PKHD1L1: variants seen among roughly 807,000 people sequenced by gnomAD.
PKHD1L1 encodes fibrocystin-L.
In PKHD1L1, 434 loss-of-function variants were observed where a neutral mutation model predicts 462.9. That is an observed-to-expected ratio of 0.94 (90% confidence interval 0.87 to 1.02). The LOEUF (loss-of-function observed/expected upper bound fraction) is 1.02. Ranked by LOEUF, PKHD1L1 falls within the 50% of genes least tolerant of loss-of-function variation. The pLI is 0.00. For missense variants in PKHD1L1, 5,202 were observed against 5,096.1 expected (o/e 1.02, Z -0.63); for synonymous variants, 1,781 against 1,750.0 (o/e 1.02, Z -0.44).
In PKHD1L1 at chr8:109,427,235, C is replaced by G. The variant is rs1814805067; in HGVS notation, c.3000+79C>G. On this transcript the variant is annotated intron_variant, in intron 25 of 77. Transcript: ENST00000378402. ...GGACCCTGCCTTATTCCAAAAAGAA[C>G]TGGAGGCTATGTTTATTATAAAAAT... The G allele has an allele frequency of 1.0e-5, 11 of 1,049,164 alleles. No homozygotes were observed. In the Middle Eastern group the frequency reaches 2.0e-3, roughly 194 times the overall value. The allele number at this position is 1,049,164 out of a possible 1,614,324, so 65.0% of individuals were successfully genotyped here.
At chr8:109,511,004 T>C in intron 71 of PKHD1L1, 70 bp downstream of exon 71, 1 of 1,505,102 alleles carries the variant, frequency 6.6e-7, no homozygotes, top group Non-Finnish European at 9.1e-7. Flanking sequence ...CTAAGGCTTG[T>C]ACCTCCTCCC....
chr8:109,470,126 G>GTA, intron 50 of PKHD1L1: 1 of 569,428 alleles, frequency 1.8e-6, no homozygotes, highest in South Asian at 2.7e-5. Context: ...ACATAATAAA[G>GTA]TATATATTCC....
In PKHD1L1 at chr8:109,477,383, C is replaced by A. The variant is rs528971721; in HGVS notation, c.9076C>A (p.Pro3026Thr). Residue 3026 changes from proline (P) to threonine (T), a missense_variant, in exon 53 of 78, where the codon CCA becomes ACA. Pro to Thr is a conservative substitution (Grantham distance 38, BLOSUM62 -1). Transcript: ENST00000378402. ...PSRKPIPKKR[P>T]ATYNLWSNDS... ...AAGAAAACCAATTCCCAAGAAGCGA[C>A]CAGCCACATATAAGTACATAGGCCT... The A allele has an allele frequency of 6.2e-6, 10 of 1,612,918 alleles. No individual in the cohort carries two copies. The South Asian group carries it at 6.6e-5, about 11-fold the overall frequency.
At chr8:109,449,635 T>G in intron 40 of PKHD1L1, 148 bp downstream of exon 40, 1 of 610,798 alleles carries the variant, frequency 1.6e-6, no homozygotes. Flanking sequence ...CTTCAGGACA[T>G]TTTCTAGATT....
At chr8:109,423,392 T>G (rs1028749790) in intron 23 of PKHD1L1, among the ~76,000 whole-genome samples, 3 of 152,168 alleles carry the variant, frequency 2.0e-5, no homozygotes, top group Admixed American at 6.5e-5. Flanking sequence ...AAGGCTATCT[T>G]TCTTCCATTT....
intron 50 of PKHD1L1, chr8:109,470,031 A>G (rs1586579701): frequency 2.6e-6 from 1 of 383,338 alleles, no homozygotes; most frequent in Admixed American, 4.2e-5. Flanking sequence ...GAACATTAGT[A>G]CTTTATTAAA....
chr8:109,470,874 A>G (rs1245350227), intron 50 of PKHD1L1: 11 of 1,529,470 alleles, frequency 7.2e-6, no homozygotes, highest in Non-Finnish European at 9.9e-6. Flanking sequence ...AGATCCTGAA[A>G]TGCTAGAAAC....
intron 2 of PKHD1L1, among the ~76,000 whole-genome samples, chr8:109,377,890 C>T (rs1811918285): frequency 6.6e-6 from 1 of 152,042 alleles, no homozygotes; most frequent in Non-Finnish European, 1.5e-5. Context: ...GCATACAAGG[C>T]TTAATCTATA....
At chr8:109,523,000 C>T (rs747695523) in intron 75 of PKHD1L1, 110 bp downstream of exon 75, 58 of 1,219,236 alleles carry the variant, frequency 4.8e-5, no homozygotes, top group Non-Finnish European at 6.2e-5. Flanking sequence ...GATCACACGG[C>T]CCTTTCAGAA....
intron 67 of PKHD1L1, among the ~76,000 whole-genome samples, chr8:109,500,883 T>C (rs986469920): frequency 3.9e-5 from 6 of 152,086 alleles, no homozygotes; most frequent in Non-Finnish European, 5.9e-5. Flanking sequence ...CTTCTTTGTC[T>C]GACGAGAAGC....
intron 5 of PKHD1L1, 83 bp downstream of exon 5, chr8:109,384,210 T>A: frequency 9.3e-7 from 1 of 1,076,248 alleles, no homozygotes; most frequent in African/African-American, 1.6e-5. Context: ...TTAGTATAAT[T>A]CCTGCAATTT....
chr8:109,464,402 G>C lies in PKHD1L1; in HGVS notation c.7570G>C (p.Gly2524Arg), dbSNP rs747359745. The C allele has an allele frequency of 1.2e-6, 2 of 1,613,386 alleles. No individual in the cohort carries two copies. The highest frequency in any genetic ancestry group is 1.7e-6 in the Non-Finnish European group (2 of 1,179,642). The change falls in exon 49 of 78, where the codon GGA (glycine) becomes CGA (arginine). Residue 2524 changes from glycine (G) to arginine (R), a missense_variant. Gly to Arg is a moderately radical substitution (Grantham distance 125, BLOSUM62 -2). Coordinates refer to ENST00000378402, the MANE Select transcript of PKHD1L1 (RefSeq NM_177531.6). ...ERNIIYDIKG[G>R]AFFIEDGIEH... ...GAATATTATATATGATATTAAGGGA[G>C]GAGCATTTTTTATAGAAGATGGTAT...
chr8:109,437,082 A>G (rs1165900752), intron 30 of PKHD1L1, among the ~76,000 whole-genome samples: 1 of 151,724 alleles, frequency 6.6e-6, no homozygotes, highest in African/African-American at 2.4e-5. Context: ...CGCCCAGCTA[A>G]TTTTTGTATT....
rs924116709 is a variant in PKHD1L1, at chr8:109,532,536, A to C, written c.*2446A>C. On this transcript the variant is annotated 3_prime_UTR_variant, in exon 78 of 78. Transcript: ENST00000378402. ...AATTCTTAAAAATAATTTGTATTGT[A>C]AGAAGTGGCTATCTAGCTCTTGAAC... Among the ~76,000 whole-genome samples the C allele has an allele frequency of 6.6e-6, 1 of 152,192 alleles. No individual in the cohort carries two copies. Among genetic ancestry groups the C allele is most frequent in the Admixed American group, 6.5e-5 (1 of 15,272 alleles).
chr8:109,370,117 T>C (rs1013713220), intron 2 of PKHD1L1, among the ~76,000 whole-genome samples: 83 of 152,236 alleles, frequency 5.5e-4, no homozygotes, highest in African/African-American at 1.9e-3. Context: ...TGTATTATTT[T>C]TATTTATTTT....
In PKHD1L1 at chr8:109,533,985, C is replaced by T. The variant is rs1563647900; in HGVS notation, c.*3895C>T. ...ACCAGCCCTTGCTCCTTTAGGGTTT[C>T]ATTGTTATTTGGTGGTTATCCTAAA... On this transcript the variant is annotated 3_prime_UTR_variant, in exon 78 of 78. Transcript: ENST00000378402. Among the ~76,000 whole-genome samples the T allele has an allele frequency of 6.6e-6, 1 of 152,142 alleles. No homozygotes were observed. Among genetic ancestry groups the T allele is most frequent in the South Asian group, 2.1e-4 (1 of 4,836 alleles).
chr8:109,453,237 CA>C (rs1453409327), intron 43 of PKHD1L1, among the ~76,000 whole-genome samples: 1 of 151,990 alleles, frequency 6.6e-6, no homozygotes, highest in Non-Finnish European at 1.5e-5. Flanking sequence ...AGGTATTTTC[CA>C]CTTTGAAAAA....
intron 67 of PKHD1L1, among the ~76,000 whole-genome samples, chr8:109,503,384 G>A (rs944573020): frequency 6.6e-6 from 1 of 152,128 alleles, no homozygotes; most frequent in African/African-American, 2.4e-5. Flanking sequence ...ACTAGGGGTT[G>A]GGTGCACTGG....
chr8:109,408,493 C>G (rs1813677289), intron 18 of PKHD1L1, among the ~76,000 whole-genome samples: 1 of 152,176 alleles, frequency 6.6e-6, no homozygotes, highest in African/African-American at 2.4e-5. Context: ...TCTATGCACA[C>G]TGGAGTTGTT....
Sources: gnomAD v4.1 joint callset for allele counts (sites outside exome capture counted in the v4.1 genomes callset) on GRCh38, gnomAD v4.1.1 for gene constraint, MANE v1.5 for transcripts, NCBI Gene and HGNC (gene_info 2026-07-23, HGNC 2026-07-21) for gene names.